The following ENTREP2 variants were observed in gnomAD, a reference collection of about 807,000 sequenced individuals.
The protein encoded by ENTREP2 is endosomal transmembrane epsin interactor 2, also known as protein ENTREP2.
the ENTREP2 span, among the ~76,000 whole-genome samples, chr15:29,169,462 CTT>C: frequency 6.6e-6 from 1 of 152,020 alleles, no homozygotes; most frequent in African/African-American, 2.4e-5. Flanking sequence ...AATTGGCTGT[CTT>C]TAAAAAACAA....
the ENTREP2 span, among the ~76,000 whole-genome samples, chr15:29,671,732 T>C: frequency 2.6e-5 from 4 of 152,356 alleles, no homozygotes; most frequent in African/African-American, 9.6e-5. Context: ...GCTCCAGATC[T>C]GAGCCACTCA....
chr15:29,554,800 G>C, the ENTREP2 span, among the ~76,000 whole-genome samples: 2 of 152,066 alleles, frequency 1.3e-5, no homozygotes, highest in African/African-American at 2.4e-5. Flanking sequence ...CCTGTCCTTG[G>C]GGCAATTTGA....
chr15:29,242,965 C>A, the ENTREP2 span, among the ~76,000 whole-genome samples: 2 of 152,180 alleles, frequency 1.3e-5, no homozygotes, highest in Admixed American at 6.5e-5. Flanking sequence ...TCTAGCACAG[C>A]TGGCAAGGCA....
At chr15:29,487,917 T>G in the ENTREP2 span, among the ~76,000 whole-genome samples, 2 of 152,202 alleles carry the variant, frequency 1.3e-5, no homozygotes, top group African/African-American at 4.8e-5. Context: ...GGTCTCAAAC[T>G]CCTGACCTCA....
chr15:29,328,570 T>C, the ENTREP2 span, among the ~76,000 whole-genome samples: 3 of 152,218 alleles, frequency 2.0e-5, no homozygotes, highest in African/African-American at 7.2e-5. Context: ...GAGTCTGTAA[T>C]ACTAAAGGCC....
At chr15:29,244,381 C>T in the ENTREP2 span, among the ~76,000 whole-genome samples, 1 of 152,214 alleles carries the variant, frequency 6.6e-6, no homozygotes, top group Non-Finnish European at 1.5e-5. Flanking sequence ...AGGAATAAAA[C>T]AAGGGTGTTA....
the ENTREP2 span, among the ~76,000 whole-genome samples, chr15:29,395,771 C>A: frequency 2.4e-4 from 37 of 151,858 alleles, 1 homozygote; most frequent in Admixed American, 2.4e-3. Context: ...TGGGTGCCAA[C>A]GATCCTCCTG....
chr15:29,567,167 T>A, the ENTREP2 span, among the ~76,000 whole-genome samples: 17,316 of 152,138 alleles, frequency 0.11, 1,691 homozygotes, highest in East Asian at 0.45. Context: ...GAAAACCACC[T>A]GCAGGGGGTC....
chr15:29,427,667 C>T, the ENTREP2 span, among the ~76,000 whole-genome samples: 3 of 152,168 alleles, frequency 2.0e-5, no homozygotes, highest in South Asian at 6.2e-4. Context: ...GCCCTTGTGA[C>T]TACCTTGAAC....
the ENTREP2 span, among the ~76,000 whole-genome samples, chr15:29,556,918 C>T: frequency 6.6e-6 from 1 of 152,164 alleles, no homozygotes; most frequent in Non-Finnish European, 1.5e-5. Flanking sequence ...CCAGAGCGCT[C>T]CATCCCATGG....
At chr15:29,360,793 A>G in the ENTREP2 span, among the ~76,000 whole-genome samples, 4 of 152,174 alleles carry the variant, frequency 2.6e-5, no homozygotes, top group Admixed American at 6.5e-5. Context: ...AAGAGTCCCT[A>G]TCACTCCTCT....
the ENTREP2 span, among the ~76,000 whole-genome samples, chr15:29,329,882 A>G: frequency 6.6e-6 from 1 of 152,348 alleles, no homozygotes; most frequent in South Asian, 2.1e-4. Context: ...TAAAGAAGGG[A>G]CAAATCTCCC....
At chr15:29,559,664 C>T in the ENTREP2 span, among the ~76,000 whole-genome samples, 3 of 152,126 alleles carry the variant, frequency 2.0e-5, no homozygotes, top group Admixed American at 2.0e-4. Context: ...TCACATCATT[C>T]CAGTCACTGC....
At chr15:29,530,919 C>A in the ENTREP2 span, among the ~76,000 whole-genome samples, 2 of 152,160 alleles carry the variant, frequency 1.3e-5, no homozygotes, top group Non-Finnish European at 2.9e-5. Flanking sequence ...TCCTTTGAGC[C>A]CTGTCCTTGA....
At chr15:29,438,973 G>A in the ENTREP2 span, among the ~76,000 whole-genome samples, 4 of 152,182 alleles carry the variant, frequency 2.6e-5, no homozygotes, top group Non-Finnish European at 4.4e-5. Context: ...CAATGGCTCA[G>A]TATTCACTAA....
At chr15:29,362,541 A>G in the ENTREP2 span, among the ~76,000 whole-genome samples, 1 of 151,624 alleles carries the variant, frequency 6.6e-6, no homozygotes, top group African/African-American at 2.4e-5. Context: ...CACCCAGCTA[A>G]TTTTTTGTAT....
chr15:29,495,833 CAGG>C, the ENTREP2 span, among the ~76,000 whole-genome samples: 2 of 152,014 alleles, frequency 1.3e-5, no homozygotes, highest in Non-Finnish European at 2.9e-5. Context: ...AATTTAAAAT[CAGG>C]AGATGTGATG....
the ENTREP2 span, chr15:29,234,383 T>TTAA: frequency 6.4e-7 from 1 of 1,560,096 alleles, no homozygotes; most frequent in Non-Finnish European, 8.8e-7. Flanking sequence ...TCTGCAGGAC[T>TTAA]TATTATTAAG....
At chr15:29,257,655 C>A in the ENTREP2 span, among the ~76,000 whole-genome samples, 2 of 152,106 alleles carry the variant, frequency 1.3e-5, no homozygotes, top group Non-Finnish European at 2.9e-5. Context: ...CTTACTTTTT[C>A]TGTTAATACC....
Sources: gnomAD v4.1 joint callset for allele counts (sites outside exome capture counted in the v4.1 genomes callset) on GRCh38, gnomAD v4.1.1 for gene constraint, MANE v1.5 for transcripts, NCBI Gene and HGNC (gene_info 2026-07-23, HGNC 2026-07-21) for gene names.